SOX5: variants seen among roughly 807,000 people sequenced by gnomAD.
SOX5 encodes the protein SRY-box transcription factor 5, also known as transcription factor SOX-5.
A neutral mutation model predicts 92.0 loss-of-function variants in SOX5; 9 were observed. That is an observed-to-expected ratio of 0.10 (90% CI 0.06 to 0.17). The LOEUF (loss-of-function observed/expected upper bound fraction) is 0.17, where lower values mean the gene tolerates loss of function less well. SOX5 is among the 10% of genes least tolerant of loss of function. SOX5 has a pLI of 1.00. For synonymous variants in SOX5, 344 were observed against 336.3 expected (o/e 1.02, Z -0.25); for missense variants, 642 against 944.5 (o/e 0.68, Z 4.20).
chr12:24,474,345 GA>G (rs1387295412), intron 1 of SOX5, among the ~76,000 whole-genome samples: 2 of 152,132 alleles, frequency 1.3e-5, no homozygotes, highest in East Asian at 3.8e-4. Flanking sequence ...GGCTTACAAA[GA>G]AGAAAACTGA....
In SOX5 at chr12:24,532,954, G is replaced by C. The variant is rs753124400; in HGVS notation, c.-251+29375C>G. Among the ~76,000 whole-genome samples, 18 of 152,242 alleles carry C rather than the reference G, an allele frequency of 1.2e-4. No homozygotes were observed. In the East Asian group the frequency reaches 3.3e-3, roughly 28 times the overall value. ...AAACCACCAGTAGCCTCTCAAAAGA[G>C]AAAACTCAGAATTTCAATAAATCCT... On this transcript the variant is annotated intron_variant, in intron 1 of 4. Coordinates refer to the SOX5 transcript ENST00000446891.
chr12:23,952,179 G>A (rs1388634251), upstream of SOX5, among the ~76,000 whole-genome samples: 1 of 152,070 alleles, frequency 6.6e-6, no homozygotes, highest in South Asian at 2.1e-4. Flanking sequence ...GAGTTACAGG[G>A]AGCCATGGGA....
At position 23,584,732 on chromosome 12, in the gene SOX5, TG is replaced by T. The variant is rs1950492263; in HGVS notation, c.1165-8895del. 11 of 162,810 alleles carry T rather than the reference TG, an allele frequency of 6.8e-5. No homozygotes were observed. The South Asian group carries it at 9.0e-4, about 13-fold the overall frequency. The allele number at this position is 162,810 out of a possible 1,614,324, so 10.1% of individuals were successfully genotyped here. On this transcript the variant is annotated intron_variant, in intron 9 of 14. Coordinates refer to ENST00000451604, the MANE Select transcript of SOX5 (RefSeq NM_006940.6). ...AACCTTGGAGAAGGACAGGTGTGAG[TG>T]TGTGTGTGTGTGTGTATGTGTGTGT...
chr12:24,147,205 T>A (rs898970662), intron 4 of SOX5, among the ~76,000 whole-genome samples: 1 of 152,242 alleles, frequency 6.6e-6, no homozygotes, highest in African/African-American at 2.4e-5. Flanking sequence ...CTCATGAACA[T>A]AGATGCAAAT....
At chr12:23,633,058 T>G (rs2078758846) in intron 8 of SOX5, among the ~76,000 whole-genome samples, 1 of 152,170 alleles carries the variant, frequency 6.6e-6, no homozygotes. Flanking sequence ...ATTTCAATCT[T>G]TTTTTCCTTC....
Position 23,645,597 on chromosome 12 carries a change from T to C in SOX5, c.932-4700A>G, listed in dbSNP as rs868541576. 1.4e-4 allele frequency among the ~76,000 whole-genome samples: 22 copies of C among 152,346 alleles called. 1 individual carries two copies. The South Asian group carries it at 2.5e-3, about 17-fold the overall frequency. ...CACCTGCAGATGTTTGGGACACTTT[T>C]GCATTACTTGCATCTAATTATTAAT... On this transcript the variant is annotated intron_variant, in intron 7 of 14. Coordinates refer to ENST00000451604, the MANE Select transcript of SOX5 (RefSeq NM_006940.6).
chr12:24,459,391 C>T (rs1259396652), intron 1 of SOX5, among the ~76,000 whole-genome samples: 1 of 152,132 alleles, frequency 6.6e-6, no homozygotes, highest in Non-Finnish European at 1.5e-5. Flanking sequence ...TATCTGGAAG[C>T]CTTCCTGTCA....
chr12:24,420,886 T>C lies in SOX5; in HGVS notation c.-250-52247A>G, dbSNP rs78485839. Among the ~76,000 whole-genome samples the C allele has an allele frequency of 4.5e-3, 678 of 152,252 alleles. 11 individuals carry two copies. The East Asian group carries it at 0.051, about 11-fold the overall frequency. On this transcript the variant is annotated intron_variant, in intron 1 of 4. Transcript: ENST00000446891. ...CCAGCTGCCAGTCTTTCAGAAAATA[T>C]GAAGGACAGAGGAACATGCTAAACC...
chr12:24,198,942 G>C (rs1356829586), intron 4 of SOX5, among the ~76,000 whole-genome samples: 1 of 152,202 alleles, frequency 6.6e-6, no homozygotes, highest in Non-Finnish European at 1.5e-5. Context: ...GCGCTCCAGT[G>C]AGACGGCAGC....
At chr12:24,200,685 G>A (rs1034380724) in intron 4 of SOX5, among the ~76,000 whole-genome samples, 1 of 152,104 alleles carries the variant, frequency 6.6e-6, no homozygotes, top group African/African-American at 2.4e-5. Flanking sequence ...TAATGCCCCA[G>A]AGTAATTTAG....
chr12:24,231,910 C>A (rs1264130427), intron 3 of SOX5, among the ~76,000 whole-genome samples: 1 of 152,188 alleles, frequency 6.6e-6, no homozygotes, highest in Non-Finnish European at 1.5e-5. Flanking sequence ...CTGTCCTGAA[C>A]TGTTCCTAGA....
chr12:23,578,143 A>AAAAAAAAAAAAAAAAAAAAAC (rs1321080744), intron 9 of SOX5, among the ~76,000 whole-genome samples: 2 of 126,114 alleles, frequency 1.6e-5, no homozygotes, highest in Non-Finnish European at 1.7e-5. Context: ...AAAAAAAAAA[A>AAAAAAAAAAAAAAAAAAAAAC]AAAAAAACTA....
chr12:24,513,035 A>G (rs1389808199), intron 1 of SOX5, among the ~76,000 whole-genome samples: 1 of 152,196 alleles, frequency 6.6e-6, no homozygotes, highest in Non-Finnish European at 1.5e-5. Flanking sequence ...TTCTCATGCT[A>G]CTGATATGTG....
At chr12:24,414,087 A>G (rs1200030923) in intron 1 of SOX5, among the ~76,000 whole-genome samples, 1 of 152,174 alleles carries the variant, frequency 6.6e-6, no homozygotes, top group East Asian at 1.9e-4. Flanking sequence ...TTCATCTCCC[A>G]TTTATATTCA....
intron 3 of SOX5, among the ~76,000 whole-genome samples, chr12:24,263,507 G>A (rs144259092): frequency 0.013 from 1,421 of 110,996 alleles, 25 homozygotes; most frequent in African/African-American, 0.043. Flanking sequence ...CAGCCTGGGC[G>A]ACAGAGCGAG....
intron 1 of SOX5, among the ~76,000 whole-genome samples, chr12:24,414,620 A>G (rs549328140): frequency 6.6e-6 from 1 of 152,342 alleles, no homozygotes; most frequent in African/African-American, 2.4e-5. Context: ...GAGGTGCCAC[A>G]TGTGATGACG....
At chr12:23,757,729 C>G (rs2094438345) in intron 3 of SOX5, among the ~76,000 whole-genome samples, 1 of 151,816 alleles carries the variant, frequency 6.6e-6, no homozygotes, top group African/African-American at 2.4e-5. Flanking sequence ...ACAATAGGCC[C>G]CTGAACCTCC....
chr12:23,767,215 A>AACACAC (rs35485466), intron 3 of SOX5, among the ~76,000 whole-genome samples: 6 of 137,806 alleles, frequency 4.4e-5, no homozygotes, highest in Admixed American at 2.2e-4. Flanking sequence ...AAAAAACAGA[A>AACACAC]ACACACACAC....
At chr12:24,410,620 T>C (rs1963904950) in intron 1 of SOX5, among the ~76,000 whole-genome samples, 1 of 152,232 alleles carries the variant, frequency 6.6e-6, no homozygotes, top group Non-Finnish European at 1.5e-5. Context: ...TGGTCTAATA[T>C]GTTGTGAGTC....
Sources: allele counts gnomAD v4.1 joint callset (sites outside exome capture counted in the v4.1 genomes callset), GRCh38; gene constraint gnomAD v4.1.1; transcripts MANE v1.5; gene names NCBI Gene and HGNC (gene_info 2026-07-23, HGNC 2026-07-21).